The following LEKR1 variants were observed in gnomAD, a reference collection of about 807,000 sequenced individuals.
LEKR1 encodes the protein leucine, glutamate and lysine rich 1.
In LEKR1, 59 loss-of-function variants were observed where a neutral mutation model predicts 72.4. The ratio of observed to expected loss-of-function variants is 0.82; its 90% confidence interval spans 0.66 to 1.01. LEKR1 has a LOEUF of 1.01. Ranked by LOEUF, LEKR1 falls within the 50% of genes least tolerant of loss-of-function variation. The pLI, the probability that LEKR1 is intolerant of heterozygous loss-of-function variation, is 0.00. For synonymous variants in LEKR1, 257 were observed against 263.2 expected (o/e 0.98, Z 0.23); for missense variants, 728 against 759.2 (o/e 0.96, Z 0.48).
At chr3:156,913,941 C>G (rs919341463) in intron 3 of LEKR1, among the ~76,000 whole-genome samples, 1 of 152,040 alleles carries the variant, frequency 6.6e-6, no homozygotes, top group African/African-American at 2.4e-5. Context: ...TTAAAATTAT[C>G]AAGATTTTAT....
chr3:156,894,497 A>C (rs1409452578), intron 3 of LEKR1, among the ~76,000 whole-genome samples: 1 of 152,114 alleles, frequency 6.6e-6, no homozygotes, highest in East Asian at 1.9e-4. Context: ...TTGTGTCCTT[A>C]GATTTTTATG....
chr3:157,008,422 A>G (rs1186815938), intron 9 of LEKR1, among the ~76,000 whole-genome samples: 1 of 152,256 alleles, frequency 6.6e-6, no homozygotes, highest in Non-Finnish European at 1.5e-5. Context: ...TTGAGTAGAT[A>G]CATTGAAGGT....
At chr3:156,913,463 T>A (rs1723304705) in intron 3 of LEKR1, among the ~76,000 whole-genome samples, 1 of 152,182 alleles carries the variant, frequency 6.6e-6, no homozygotes, top group Admixed American at 6.5e-5. Flanking sequence ...GCTACTGATT[T>A]TTAATTTTTT....
chr3:156,934,703 CA>C (rs898202117), intron 5 of LEKR1, among the ~76,000 whole-genome samples: 1 of 150,132 alleles, frequency 6.7e-6, no homozygotes, highest in Non-Finnish European at 1.5e-5. Flanking sequence ...AGAAAAGGGG[CA>C]AAAAAAAGAA....
chr3:156,868,119 T>C (rs1315629097), intron 3 of LEKR1, among the ~76,000 whole-genome samples: 1 of 152,046 alleles, frequency 6.6e-6, no homozygotes, highest in Non-Finnish European at 1.5e-5. Flanking sequence ...ATACTGGCTT[T>C]TAATATGCCT....
chr3:156,962,608 T>A (rs1728222318), intron 6 of LEKR1, among the ~76,000 whole-genome samples: 1 of 152,222 alleles, frequency 6.6e-6, no homozygotes, highest in African/African-American at 2.4e-5. Flanking sequence ...AGATTATCTT[T>A]GTTTTCTTGC....
intron 9 of LEKR1, among the ~76,000 whole-genome samples, chr3:157,001,491 A>G (rs1190137441): frequency 2.6e-5 from 4 of 152,246 alleles, no homozygotes; most frequent in Non-Finnish European, 5.9e-5. Context: ...TTTAACTGCA[A>G]TTAAGGGAAT....
At chr3:156,967,991 A>G (rs1350234813) in intron 6 of LEKR1, among the ~76,000 whole-genome samples, 3 of 152,170 alleles carry the variant, frequency 2.0e-5, no homozygotes, top group Admixed American at 6.5e-5. Context: ...AAAGAAAAGA[A>G]TTTTCAATCC....
chr3:156,966,581 A>G (rs1324842859), intron 6 of LEKR1, among the ~76,000 whole-genome samples: 1 of 152,020 alleles, frequency 6.6e-6, no homozygotes, highest in Non-Finnish European at 1.5e-5. Flanking sequence ...AGGCTGGGGG[A>G]GGGGTGCCTG....
chr3:156,886,315 T>C (rs6783162), intron 3 of LEKR1, among the ~76,000 whole-genome samples: 131,996 of 152,072 alleles, frequency 0.87, 57,591 homozygotes, highest in African/African-American at 0.96. Flanking sequence ...CCACTCAGAC[T>C]TTACCCCAGG....
At chr3:156,911,118 G>T (rs1437312301) in intron 3 of LEKR1, among the ~76,000 whole-genome samples, 3 of 151,826 alleles carry the variant, frequency 2.0e-5, no homozygotes, top group Non-Finnish European at 2.9e-5. Context: ...ATGTTTGTTG[G>T]CTGCTTGTAT....
chr3:156,871,818 TG>T (rs1717994349), intron 3 of LEKR1, among the ~76,000 whole-genome samples: 1 of 152,108 alleles, frequency 6.6e-6, no homozygotes, highest in East Asian at 1.9e-4. Flanking sequence ...TTTTGATGTG[TG>T]GTTGGATTTG....
rs554704579 is a variant in LEKR1, at chr3:156,906,115, T to C, written c.264-14460T>C. Reference sequence around the variant, plus strand: ...AGATTACAGGTGGTAAAATCCTCGATGATGTGGCCGCTTTCTTGTGTTTTC... The same window carrying C: ...AGATTACAGGTGGTAAAATCCTCGACGATGTGGCCGCTTTCTTGTGTTTTC... On this transcript the variant is annotated intron_variant, in intron 3 of 12. Transcript: ENST00000356539. Among the ~76,000 whole-genome samples, 290 of 152,276 alleles carry C rather than the reference T, an allele frequency of 1.9e-3. 3 individuals carry two copies. Among genetic ancestry groups the C allele is most frequent in the African/African-American group, 6.7e-3 (279 of 41,572 alleles).
At chr3:156,993,855 T>A (rs1031745991) in intron 9 of LEKR1, among the ~76,000 whole-genome samples, 2 of 152,186 alleles carry the variant, frequency 1.3e-5, no homozygotes, top group East Asian at 1.9e-4. Flanking sequence ...AACCTTACTT[T>A]CTTTCTTTTT....
intron 10 of LEKR1, 76 bp from the exon 11 acceptor site, chr3:157,024,684 A>C: frequency 9.6e-7 from 1 of 1,038,476 alleles, no homozygotes; most frequent in Non-Finnish European, 1.4e-6. Context: ...TTTAAAACTT[A>C]GAGTTTGAAA....
At chr3:156,965,009 C>A (rs573279351) in intron 6 of LEKR1, among the ~76,000 whole-genome samples, 10 of 152,172 alleles carry the variant, frequency 6.6e-5, no homozygotes, top group African/African-American at 2.2e-4. Flanking sequence ...CTGTCCGTAT[C>A]CATTTTCTGG....
rs143957106 is a variant in LEKR1 at position 156,880,936 on chromosome 3, G to A, written c.263+27954G>A. 2.1e-3 allele frequency among the ~76,000 whole-genome samples: 327 copies of A among 152,212 alleles called. 2 individuals are homozygous for A. The highest frequency in any genetic ancestry group is 7.6e-3 in the African/African-American group (316 of 41,528). On this transcript the variant is annotated intron_variant, in intron 3 of 12. Transcript: ENST00000356539. ...CTCAATAGATGCAGAAAAGGCCTTCGACAAAATTCAAAAACCTTCATGCTA... is the reference window on the plus strand; with the variant it reads ...CTCAATAGATGCAGAAAAGGCCTTCAACAAAATTCAAAAACCTTCATGCTA...
intron 5 of LEKR1, among the ~76,000 whole-genome samples, chr3:156,938,993 A>G (rs1725966991): frequency 6.6e-6 from 1 of 152,222 alleles, no homozygotes; most frequent in African/African-American, 2.4e-5. Context: ...TTATGTGATA[A>G]CACTTATTCT....
chr3:156,985,719 C>G (rs2108004039), intron 7 of LEKR1, among the ~76,000 whole-genome samples: 1 of 151,830 alleles, frequency 6.6e-6, no homozygotes, highest in East Asian at 1.9e-4. Context: ...CCTGTAATTC[C>G]AGCTACTCAG....
Sources: gnomAD v4.1 joint callset for allele counts (sites outside exome capture counted in the v4.1 genomes callset) on GRCh38, gnomAD v4.1.1 for gene constraint, MANE v1.5 for transcripts, NCBI Gene and HGNC (gene_info 2026-07-23, HGNC 2026-07-21) for gene names.